PROM1: variants seen among roughly 807,000 people sequenced by gnomAD.
PROM1 encodes the protein prominin 1.
A neutral mutation model predicts 116.9 loss-of-function variants in PROM1; 105 were observed. The observed-to-expected ratio is 0.90, with a 90% CI of 0.77 to 1.06. PROM1 has a LOEUF of 1.06. PROM1 is among the 50% of genes least tolerant of loss of function. The pLI, the probability that PROM1 is intolerant of heterozygous loss-of-function variation, is 0.00. For missense variants in PROM1, 1,122 were observed against 1,045.2 expected, an observed-to-expected ratio of 1.07 and a Z score of -1.01; for synonymous variants, 393 against 387.0, an observed-to-expected ratio of 1.02 and a Z score of -0.18.
intron 24 of PROM1, 84 bp from the exon 25 acceptor site, chr4:15,979,988 C>G (rs1301081427): frequency 1.2e-6 from 1 of 826,634 alleles, no homozygotes; most frequent in Non-Finnish European, 1.9e-6. Context: ...AATATTTACT[C>G]TAACACGGAT....
intron 2 of PROM1, among the ~76,000 whole-genome samples, chr4:16,052,552 C>T (rs1738124068): frequency 6.6e-6 from 1 of 151,758 alleles, no homozygotes; most frequent in Admixed American, 6.6e-5. Flanking sequence ...TCTCGGCTCA[C>T]TGCAGCCTTA....
chr4:16,009,755 C>T (rs1726414124), intron 11 of PROM1, among the ~76,000 whole-genome samples: 1 of 152,138 alleles, frequency 6.6e-6, no homozygotes, highest in African/African-American at 2.4e-5. Context: ...GCCTGACCAA[C>T]ATGGCAAAAC....
At chr4:16,049,968 A>T (rs34042282) in intron 2 of PROM1, among the ~76,000 whole-genome samples, 1 of 151,938 alleles carries the variant, frequency 6.6e-6, no homozygotes, top group African/African-American at 2.4e-5. Flanking sequence ...CTTCACCATA[A>T]ATTTGATGTT....
intron 13 of PROM1, among the ~76,000 whole-genome samples, chr4:16,004,832 T>TTCTTTCTTTTTTCTTCCTTCCTTC (rs1203366908): frequency 6.5e-5 from 8 of 122,612 alleles, no homozygotes; most frequent in Admixed American, 3.4e-4. Flanking sequence ...TCTTTCTTTT[T>TTCTTTCTTTTTTCTTCCTTCCTTC]CTTCCTTCCT....
At position 15,994,042 on chromosome 4, in the gene PROM1, C is replaced by T. The variant is rs745648882; in HGVS notation, c.1712G>A (p.Gly571Asp). ...SDCKKNRGTY[G>D]TLHLQNSFNI... ...GAAGCTGTTCTGCAGGTGAAGAGTGCCGTAAGTGCCTCTATTTTTTTTGCA... is the reference window on the plus strand; with the variant it reads ...GAAGCTGTTCTGCAGGTGAAGAGTGTCGTAAGTGCCTCTATTTTTTTTGCA... The change falls in exon 16 of 28, where the codon GGC (glycine) becomes GAC (aspartate). Residue 571 changes from glycine to aspartate, a missense_variant. By Grantham distance (94) the Gly-to-Asp change is moderately conservative. Transcript: ENST00000447510. 3.3e-5 allele frequency: 53 copies of T among 1,613,770 alleles called. No individual in the cohort carries two copies. Among genetic ancestry groups the T allele is most frequent in the Non-Finnish European group, 4.4e-5 (52 of 1,179,842 alleles).
chr4:16,067,059 T>A (rs540362248), intron 2 of PROM1, among the ~76,000 whole-genome samples: 1 of 152,140 alleles, frequency 6.6e-6, no homozygotes, highest in Non-Finnish European at 1.5e-5. Flanking sequence ...AGATTAGAAG[T>A]ATCTATTATA....
chr4:16,000,229 C>A (rs1038171580), intron 14 of PROM1, among the ~76,000 whole-genome samples: 1 of 152,134 alleles, frequency 6.6e-6, no homozygotes, highest in Non-Finnish European at 1.5e-5. Context: ...CCACATTGAG[C>A]GGCAGGACTT....
intron 2 of PROM1, among the ~76,000 whole-genome samples, chr4:16,042,900 T>C (rs1208439962): frequency 6.6e-6 from 1 of 152,214 alleles, no homozygotes; most frequent in African/African-American, 2.4e-5. Context: ...AAAATCCAGC[T>C]GACTTGCACT....
intron 15 of PROM1, among the ~76,000 whole-genome samples, chr4:15,995,058 C>T (rs1405202588): frequency 2.6e-5 from 4 of 152,176 alleles, no homozygotes; most frequent in Admixed American, 2.0e-4. Flanking sequence ...CAATGGATTG[C>T]TAATGTATGC....
chr4:16,055,537 A>C, intron 2 of PROM1: 2 of 417,806 alleles, frequency 4.8e-6, no homozygotes, highest in South Asian at 3.4e-5. Context: ...AAATAGCCTA[A>C]TACCAATTCA....
chr4:16,018,585 C>A, intron 8 of PROM1, 45 bp from the exon 9 acceptor site: 1 of 1,524,924 alleles, frequency 6.6e-7, no homozygotes, highest in Non-Finnish European at 8.9e-7. Context: ...CCAAGTCCCT[C>A]CTCATCTACA....
chr4:15,993,936 A>G, intron 16 of PROM1, 51 bp downstream of exon 16: 1 of 1,572,446 alleles, frequency 6.4e-7, no homozygotes, highest in South Asian at 1.2e-5. Context: ...AAAGACACCT[A>G]GATTTGGTGA....
chr4:16,011,219 C>G (rs950651707), intron 11 of PROM1, among the ~76,000 whole-genome samples: 1 of 152,150 alleles, frequency 6.6e-6, no homozygotes, highest in Non-Finnish European at 1.5e-5. Context: ...TTCCAGGCAG[C>G]CTCCCACTAG....
chr4:15,976,255 G>A (rs1577761222), intron 26 of PROM1: 1 of 447,526 alleles, frequency 2.2e-6, no homozygotes, highest in Non-Finnish European at 4.5e-6. Flanking sequence ...TCTCAACACC[G>A]ACTAGGGCTG....
At chr4:15,985,332 T>C (rs560138520) in intron 22 of PROM1, among the ~76,000 whole-genome samples, 110 of 152,172 alleles carry the variant, frequency 7.2e-4, no homozygotes, top group Non-Finnish European at 1.2e-3. Flanking sequence ...CCATGGATAC[T>C]GAGGGACAAT....
chr4:16,021,945 A>C (rs1363583592), intron 8 of PROM1, among the ~76,000 whole-genome samples: 1 of 152,164 alleles, frequency 6.6e-6, no homozygotes, highest in East Asian at 1.9e-4. Flanking sequence ...TAAGGTCATA[A>C]GGGTGGGTCC....
At chr4:16,012,057 C>T (rs1727003630) in intron 11 of PROM1, among the ~76,000 whole-genome samples, 1 of 151,962 alleles carries the variant, frequency 6.6e-6, no homozygotes, top group Admixed American at 6.6e-5. Flanking sequence ...AGTGCAGTGG[C>T]ACGATCTCGG....
rs116288429 is a variant in PROM1, at chr4:16,029,380, A to G, written c.509+3924T>C. 9.8e-3 allele frequency among the ~76,000 whole-genome samples: 1,490 copies of G among 151,554 alleles called. 18 individuals are homozygous for G. The highest frequency in any genetic ancestry group is 0.034 in the African/African-American group (1,384 of 41,298). On this transcript the variant is annotated intron_variant, in intron 5 of 27. Transcript: ENST00000447510. ...TCATGGTTTTTTTTTTTCCTTCCAT[A>G]ACCTTTATGAGAAATGCAGCGGTGA...
In PROM1 at chr4:16,077,151, A is replaced by G. The variant is rs556188588; in HGVS notation, c.-212-1033T>C. On this transcript the variant is annotated intron_variant, in intron 1 of 27. Transcript: ENST00000447510. ...GCCTCTTGCAGTTGAGACAAGAGGA[A>G]GGCATCTGTCTCCTGCCCGTCCCTG... Among the ~76,000 whole-genome samples, 4 of 152,274 alleles carry G rather than the reference A, an allele frequency of 2.6e-5. No homozygotes were observed. In the East Asian group the frequency reaches 7.7e-4, roughly 29 times the overall value.
Sources: allele counts gnomAD v4.1 joint callset (sites outside exome capture counted in the v4.1 genomes callset), GRCh38; gene constraint gnomAD v4.1.1; transcripts MANE v1.5; gene names NCBI Gene and HGNC (gene_info 2026-07-23, HGNC 2026-07-21).